Variants in GSTT4 observed in about 807,000 individuals in gnomAD.
GSTT4 encodes the protein glutathione S-transferase theta-4.
At chr22:23,989,825 A>G in the GSTT4 span, among the ~76,000 whole-genome samples, 72,121 of 142,062 alleles carry the variant, frequency 0.51, 16,118 homozygotes, top group South Asian at 0.6. Context: ...GGATCAGAGG[A>G]CCTCAGTCAA....
the GSTT4 span, among the ~76,000 whole-genome samples, chr22:23,990,807 G>A: frequency 2.1e-5 from 2 of 97,180 alleles, 1 homozygote; most frequent in Non-Finnish European, 4.7e-5. Flanking sequence ...TTCTGTGCCT[G>A]CTGTGCCCTC....
chr22:24,002,072 T>G (rs587670070), intron 2 of GSTT4, among the ~76,000 whole-genome samples: 7,294 of 150,082 alleles, frequency 0.049, no homozygotes, highest in African/African-American at 0.17. Context: ...GAGTAGGGGG[T>G]TGCAACTGGA....
intron 2 of GSTT4, among the ~76,000 whole-genome samples, chr22:24,002,105 A>T (rs1394356887): frequency 2.0e-5 from 3 of 152,378 alleles, no homozygotes; most frequent in African/African-American, 7.2e-5. Context: ...GTGATTGGGG[A>T]GTGATGAGGC....
downstream of GSTT4, among the ~76,000 whole-genome samples, chr22:23,996,966 T>C (rs563576874): frequency 2.0e-4 from 31 of 152,204 alleles, 1 homozygote; most frequent in South Asian, 5.8e-3. Context: ...TCCTGGGCTT[T>C]TCTTTGTGGA....
At chr22:24,002,763 G>A (rs377077926) in intron 2 of GSTT4, among the ~76,000 whole-genome samples, 94 of 57,278 alleles carry the variant, frequency 1.6e-3, no homozygotes, top group African/African-American at 4.2e-3. Flanking sequence ...CCCGGGAGGC[G>A]GAGCTTGCAG....
At chr22:23,992,779 A>G in the GSTT4 span, among the ~76,000 whole-genome samples, 3 of 8,246 alleles carry the variant, frequency 3.6e-4, no homozygotes, top group Non-Finnish European at 6.5e-4. Flanking sequence ...GGTCTCTACT[A>G]TTCTTTTTTT....
At chr22:23,992,052 C>CAAAAAAA in the GSTT4 span, among the ~76,000 whole-genome samples, 33 of 71,196 alleles carry the variant, frequency 4.6e-4, 3 homozygotes, top group South Asian at 1.4e-3. Flanking sequence ...TACTCCGTCT[C>CAAAAAAA]AAAAAAAAAA....
downstream of GSTT4, among the ~76,000 whole-genome samples, chr22:23,997,652 T>C (rs2034130480): frequency 6.6e-6 from 1 of 152,208 alleles, no homozygotes; most frequent in Non-Finnish European, 1.5e-5. Context: ...ATTGCTTTTC[T>C]ATTTTCTATT....
chr22:24,002,559 G>A (rs866582090), intron 2 of GSTT4, among the ~76,000 whole-genome samples: 2 of 36,442 alleles, frequency 5.5e-5, no homozygotes, highest in Non-Finnish European at 1.7e-4. Context: ...GGCTGGGCAC[G>A]GTGGCTCACG....
At chr22:23,989,827 C>A in the GSTT4 span, among the ~76,000 whole-genome samples, 72,091 of 142,100 alleles carry the variant, frequency 0.51, 16,107 homozygotes, top group South Asian at 0.6. Context: ...ATCAGAGGAC[C>A]TCAGTCAAGC....
At chr22:23,999,725 C>T (rs1400984085) in intron 4 of GSTT4, among the ~76,000 whole-genome samples, 1 of 142,750 alleles carries the variant, frequency 7.0e-6, no homozygotes, top group African/African-American at 2.7e-5. Context: ...ACCCAGGAAG[C>T]CAGTGAACAT....
intron 3 of GSTT4, among the ~76,000 whole-genome samples, chr22:24,000,580 A>T (rs1311863017): frequency 7.4e-6 from 1 of 135,372 alleles, no homozygotes; most frequent in East Asian, 1.9e-4. Flanking sequence ...GTTTTTTGAG[A>T]TGGAGTCTCA....
intron 2 of GSTT4, 150 bp from the exon 3 acceptor site, chr22:24,001,475 T>G (rs986557526): frequency 6.5e-6 from 1 of 153,348 alleles, no homozygotes; most frequent in East Asian, 1.9e-4. Context: ...CAGAGCTGTC[T>G]GTCTGACAGT....
chr22:23,995,638 C>A (rs575692588), downstream of GSTT4, among the ~76,000 whole-genome samples: 1 of 152,266 alleles, frequency 6.6e-6, no homozygotes, highest in South Asian at 2.1e-4. Flanking sequence ...GTCTATGTTG[C>A]CAAACTTGCC....
At chr22:23,995,799 C>T (rs2034110083), downstream of GSTT4, among the ~76,000 whole-genome samples, 1 of 152,036 alleles carries the variant, frequency 6.6e-6, no homozygotes, top group Non-Finnish European at 1.5e-5. Flanking sequence ...TGAAATGTTG[C>T]TTTTCTTTGG....
chr22:24,004,832 G>A, intron 1 of GSTT4: 1 of 153,192 alleles, frequency 6.5e-6, no homozygotes, highest in Non-Finnish European at 1.5e-5. Flanking sequence ...CTTCCCTGTG[G>A]ACCTCTGGGG....
chr22:24,004,170 C>G (rs2034300597), intron 1 of GSTT4: 1 of 153,316 alleles, frequency 6.5e-6, no homozygotes, highest in Non-Finnish European at 1.5e-5. Context: ...AAAACACAGC[C>G]TTTGAATCAC....
At chr22:24,000,741 A>G (rs1197417296) in intron 3 of GSTT4, among the ~76,000 whole-genome samples, 1 of 137,954 alleles carries the variant, frequency 7.2e-6, no homozygotes, top group East Asian at 2.0e-4. Context: ...TTGTATTTTT[A>G]GTAGAGATGG....
the GSTT4 span, among the ~76,000 whole-genome samples, chr22:23,990,453 CAAAAAA>C: frequency 1.6e-3 from 48 of 29,996 alleles, 9 homozygotes; most frequent in African/African-American, 9.2e-3. Flanking sequence ...CTACACACAC[CAAAAAA>C]AAAAAAAAAA....
Sources: gnomAD v4.1 joint callset for allele counts (sites outside exome capture counted in the v4.1 genomes callset) on GRCh38, gnomAD v4.1.1 for gene constraint, MANE v1.5 for transcripts, NCBI Gene and HGNC (gene_info 2026-07-23, HGNC 2026-07-21) for gene names.